The following RASGEF1B variants were observed in gnomAD, a reference collection of about 807,000 sequenced individuals.
The protein encoded by RASGEF1B is RasGEF domain family member 1B.
A neutral mutation model predicts 65.7 loss-of-function variants in RASGEF1B; 30 were observed. The ratio of observed to expected loss-of-function variants is 0.46; its 90% CI spans 0.34 to 0.62. RASGEF1B has a LOEUF of 0.62. Among genes scored for constraint, RASGEF1B ranks in the 20% least tolerant of loss-of-function variants. The probability of loss-of-function intolerance (pLI) is 0.01; values close to 1 mark genes in which losing one functional copy is unlikely to be tolerated. For missense variants in RASGEF1B, 495 were observed against 580.1 expected (o/e 0.85, Z 1.51); for synonymous variants, 175 against 194.8 (o/e 0.90, Z 0.85).
intron 13 of RASGEF1B, among the ~76,000 whole-genome samples, chr4:81,429,259 C>T (rs978210357): frequency 6.6e-6 from 1 of 152,166 alleles, no homozygotes; most frequent in Non-Finnish European, 1.5e-5. Flanking sequence ...GCCATGAGAA[C>T]AGACAGGATA....
chr4:81,463,946 C>T (rs1026263105), intron 1 of RASGEF1B, among the ~76,000 whole-genome samples: 1 of 152,144 alleles, frequency 6.6e-6, no homozygotes, highest in Non-Finnish European at 1.5e-5. Flanking sequence ...AAGTATTTAT[C>T]CCTGGGCACT....
intron 2 of RASGEF1B, among the ~76,000 whole-genome samples, chr4:81,458,829 T>C (rs896440177): frequency 2.6e-5 from 4 of 152,232 alleles, no homozygotes; most frequent in Non-Finnish European, 4.4e-5. Context: ...GTGCTAGCTA[T>C]ATAAATGTAG....
intron 13 of RASGEF1B, among the ~76,000 whole-genome samples, chr4:81,430,421 G>A (rs1290410074): frequency 3.3e-5 from 5 of 152,236 alleles, no homozygotes. Context: ...TTGCCATAAG[G>A]TAGAGGGTCT....
chr4:81,452,332 A>T (rs539326722), intron 4 of RASGEF1B: 25 of 151,478 alleles, frequency 1.7e-4, no homozygotes, highest in African/African-American at 6.1e-4. Context: ...CTGGTCTTGA[A>T]CTCCCGACTT....
intron 8 of RASGEF1B, among the ~76,000 whole-genome samples, chr4:81,444,075 C>T (rs1003317239): frequency 5.9e-5 from 9 of 152,204 alleles, no homozygotes; most frequent in Non-Finnish European, 1.0e-4. Flanking sequence ...CATTAATATA[C>T]AGTATCCTCT....
chr4:81,464,777 G>T (rs1240804158), intron 1 of RASGEF1B, among the ~76,000 whole-genome samples: 3 of 152,138 alleles, frequency 2.0e-5, no homozygotes, highest in Admixed American at 6.5e-5. Flanking sequence ...TTCAAGACTG[G>T]CTCCTTAGAC....
At chr4:81,447,051 T>G (rs561497565) in intron 6 of RASGEF1B, among the ~76,000 whole-genome samples, 8 of 152,354 alleles carry the variant, frequency 5.3e-5, no homozygotes, top group Non-Finnish European at 1.2e-4. Context: ...AAACCTCTCA[T>G]GAGAGATTCA....
chr4:81,462,650 CA>C (rs1722688169), intron 1 of RASGEF1B, among the ~76,000 whole-genome samples: 1 of 152,202 alleles, frequency 6.6e-6, no homozygotes, highest in African/African-American at 2.4e-5. Context: ...ATACTCCAGA[CA>C]GAATCTTTTC....
At chr4:81,471,401 G>C (rs1181945274) in intron 1 of RASGEF1B, among the ~76,000 whole-genome samples, 2 of 152,208 alleles carry the variant, frequency 1.3e-5, no homozygotes, top group Non-Finnish European at 2.9e-5. Context: ...CCTGGCTGCA[G>C]GATCAGGGAG....
intron 10 of RASGEF1B, among the ~76,000 whole-genome samples, chr4:81,436,385 T>C (rs1011613758): frequency 6.6e-6 from 1 of 152,220 alleles, no homozygotes; most frequent in African/African-American, 2.4e-5. Flanking sequence ...AATATGAATG[T>C]ATAAATTAAA....
rs765949994 is a variant in RASGEF1B at position 81,457,567 on chromosome 4, C to A, written c.232G>T (p.Glu78Ter). ...AAGTGGCAAACTTTGGCCATTAGCTCATACGGATGCATAAATAACCGAGAA... is the reference window on the plus strand; with the variant it reads ...AAGTGGCAAACTTTGGCCATTAGCTAATACGGATGCATAAATAACCGAGAA... ...LSSRLFMHPY[E>*]LMAKVCHLCV... Residue 78 changes from glutamate (E) to a stop codon, truncating the protein, a stop_gained, in exon 3 of 14, where the codon GAG becomes TAG. Transcript: ENST00000264400. LOFTEE classifies it high-confidence loss of function. 2.5e-6 allele frequency: 4 copies of A among 1,614,058 alleles called. No homozygotes were observed. In the East Asian group the frequency reaches 8.9e-5, roughly 36 times the overall value.
chr4:81,427,698 G>C lies in RASGEF1B; in HGVS notation c.*70C>G. ...TGAGTGTTCGTGGTACGAGATGCCA[G>C]AAAACAAAGGCCAGCCCCTCCATGA... On this transcript the variant is annotated 3_prime_UTR_variant, in exon 14 of 14. Coordinates refer to ENST00000264400, the MANE Select transcript of RASGEF1B (RefSeq NM_152545.3). 1.9e-6 allele frequency: 3 copies of C among 1,594,834 alleles called. No individual in the cohort carries two copies. The Admixed American group carries it at 5.1e-5, about 27-fold the overall frequency.
intron 1 of RASGEF1B, among the ~76,000 whole-genome samples, chr4:81,460,465 C>T (rs911015940): frequency 6.6e-6 from 1 of 152,190 alleles, no homozygotes; most frequent in African/African-American, 2.4e-5. Flanking sequence ...GAGCCATACT[C>T]CAAGCTACGG....
intron 1 of RASGEF1B, chr4:81,470,969 T>A (rs1723000756): frequency 6.6e-6 from 1 of 152,024 alleles, no homozygotes. Flanking sequence ...TTTTCACAGC[T>A]CCCTTAGAAA....
In RASGEF1B at chr4:81,427,630, G is replaced by C. The variant is rs1190266982; in HGVS notation, c.*138C>G. 1.2e-6 allele frequency: 1 copy of C among 803,474 alleles called. No individual in the cohort carries two copies. Among genetic ancestry groups the C allele is most frequent in the Non-Finnish European group, 1.9e-6 (1 of 513,414 alleles). 49.8% of individuals were successfully genotyped at this position (803,474 alleles called of 1,614,324 possible). On this transcript the variant is annotated 3_prime_UTR_variant, in exon 14 of 14. Transcript: ENST00000264400. ...TCCATCTGGTCTTGAGTGAGCTTGTGTGCTTTGCTGACCCGGGTGCTCCAA... is the reference window on the plus strand; with the variant it reads ...TCCATCTGGTCTTGAGTGAGCTTGTCTGCTTTGCTGACCCGGGTGCTCCAA...
rs754410201 is a variant in RASGEF1B at position 81,432,369 on chromosome 4, G to A, written c.1327C>T (p.Leu443Phe). ...LTVPVFSEDA[L>F]YLASYESEGP... Reference sequence around the variant, plus strand: ...TCACTCTCATAAGAAGCCAAGTAGAGAGCTACAATCAAACAAAAGAAAGTG... The same window carrying A: ...TCACTCTCATAAGAAGCCAAGTAGAAAGCTACAATCAAACAAAAGAAAGTG... The change falls in exon 13 of 14, where the codon CTC becomes TTC. Residue 443 changes from leucine (L) to phenylalanine (F), a missense_variant and splice_region_variant. Physicochemically the swap from Leu to Phe is conservative, Grantham distance 22. Coordinates refer to ENST00000264400, the MANE Select transcript of RASGEF1B (RefSeq NM_152545.3). 6.2e-7 allele frequency: 1 copy of A among 1,600,828 alleles called. No individual in the cohort carries two copies. Among genetic ancestry groups the A allele is most frequent in the Non-Finnish European group, 8.6e-7 (1 of 1,168,996 alleles).
At chr4:81,457,388 T>C (rs1281856775) in intron 3 of RASGEF1B, 111 bp downstream of exon 3, 8 of 986,104 alleles carry the variant, frequency 8.1e-6, no homozygotes, top group Middle Eastern at 4.8e-4. Flanking sequence ...CATGATGCCA[T>C]TTATGCACTT....
intron 1 of RASGEF1B, among the ~76,000 whole-genome samples, chr4:81,469,227 T>C (rs185449909): frequency 1.8e-4 from 28 of 152,350 alleles, no homozygotes; most frequent in African/African-American, 6.3e-4. Context: ...TTTTCATTTA[T>C]TATGTGTGGC....
At chr4:81,436,976 C>T (rs1421920295) in intron 10 of RASGEF1B, among the ~76,000 whole-genome samples, 1 of 152,160 alleles carries the variant, frequency 6.6e-6, no homozygotes, top group Non-Finnish European at 1.5e-5. Context: ...GATCTCATTA[C>T]CTTTCCTTCT....
Sources: allele counts gnomAD v4.1 joint callset (sites outside exome capture counted in the v4.1 genomes callset), GRCh38; gene constraint gnomAD v4.1.1; transcripts MANE v1.5; gene names NCBI Gene and HGNC (gene_info 2026-07-23, HGNC 2026-07-21).